The following PCMTD1 variants were observed in gnomAD, a reference collection of about 807,000 sequenced individuals.
PCMTD1 encodes protein-L-isoaspartate O-methyltransferase domain-containing protein 1.
In PCMTD1, 12 loss-of-function variants were observed where a neutral mutation model predicts 37.6. That is an observed-to-expected ratio of 0.32 (90% CI 0.20 to 0.52). The LOEUF is 0.52. PCMTD1 is among the 20% of genes least tolerant of loss of function. The pLI is 0.97. For synonymous variants in PCMTD1, 117 were observed against 135.8 expected (o/e 0.86, Z 0.96); for missense variants, 235 against 421.3 (o/e 0.56, Z 3.87).
At chr8:51,893,321 CATG>C (rs1585864221) in intron 1 of PCMTD1, among the ~76,000 whole-genome samples, 2 of 152,266 alleles carry the variant, frequency 1.3e-5, no homozygotes, top group Admixed American at 6.5e-5. Flanking sequence ...GTAACTTCTG[CATG>C]ATAACCATTA....
At chr8:51,831,588 A>C (rs757139900) in intron 4 of PCMTD1, 21 bp from the exon 5 acceptor site, 12 of 1,600,100 alleles carry the variant, frequency 7.5e-6, no homozygotes, top group Non-Finnish European at 1.0e-5. Flanking sequence ...AAAAAAAAGA[A>C]AGAAAGTGAA....
chr8:51,827,232 G>A (rs1450519981), intron 5 of PCMTD1: 6 of 1,137,072 alleles, frequency 5.3e-6, no homozygotes, highest in Non-Finnish European at 6.6e-6. Flanking sequence ...CATAATTCCT[G>A]ACTTATTTTT....
chr8:51,820,223 A>C lies in PCMTD1; in HGVS notation c.*128T>G, dbSNP rs1321093264. On this transcript the variant is annotated 3_prime_UTR_variant, in exon 6 of 6. Transcript: ENST00000522514. ...TACATCATTTGTGTTACTGACAGAA[A>C]CAAGTGATTTTTTTTCCACTATAAT... is the stretch of plus-strand genomic sequence containing the variant. The C allele has an allele frequency of 1.5e-6, 1 of 658,412 alleles. No individual in the cohort carries two copies. The allele number at this position is 658,412 out of a possible 1,614,324, so 40.8% of individuals were successfully genotyped here.
chr8:51,859,840 C>G (rs989453017), intron 2 of PCMTD1, among the ~76,000 whole-genome samples: 2 of 152,338 alleles, frequency 1.3e-5, no homozygotes, highest in South Asian at 4.1e-4. Context: ...ACCACATTCT[C>G]ATCCTTATTA....
At position 51,874,972 on chromosome 8, in the gene PCMTD1, T is replaced by C. The variant is rs189157210; in HGVS notation, c.-95-13726A>G. 2.1e-3 allele frequency among the ~76,000 whole-genome samples: 319 copies of C among 152,328 alleles called. 1 individual carries two copies. Among genetic ancestry groups the C allele is most frequent in the African/African-American group, 7.2e-3 (299 of 41,572 alleles). On this transcript the variant is annotated intron_variant, in intron 1 of 5. Coordinates refer to ENST00000522514, the MANE Select transcript of PCMTD1 (RefSeq NM_052937.4). ...TCATTAAGAAATTGAGCCTCAGCAGTTGCCTTGTTCAAGATGACACAAGTT... is the reference window on the plus strand; with the variant it reads ...TCATTAAGAAATTGAGCCTCAGCAGCTGCCTTGTTCAAGATGACACAAGTT...
chr8:51,869,188 A>C (rs1202567502), intron 1 of PCMTD1, among the ~76,000 whole-genome samples: 1 of 152,204 alleles, frequency 6.6e-6, no homozygotes, highest in African/African-American at 2.4e-5. Flanking sequence ...TTCAATAATA[A>C]TCCTAACTTG....
intron 2 of PCMTD1, among the ~76,000 whole-genome samples, chr8:51,856,846 C>A (rs1369806016): frequency 6.6e-6 from 1 of 152,182 alleles, no homozygotes; most frequent in Non-Finnish European, 1.5e-5. Flanking sequence ...TTGTCAGGGA[C>A]TGGCTGAGTA....
chr8:51,852,271 C>G (rs922582533), intron 2 of PCMTD1, among the ~76,000 whole-genome samples: 1 of 152,266 alleles, frequency 6.6e-6, no homozygotes, highest in East Asian at 1.9e-4. Flanking sequence ...ACAAATGTAG[C>G]TACAGTCTCA....
At chr8:51,833,880 A>G (rs1374236213) in intron 3 of PCMTD1, among the ~76,000 whole-genome samples, 191 bp from the exon 4 acceptor site, 5 of 152,188 alleles carry the variant, frequency 3.3e-5, no homozygotes, top group African/African-American at 1.2e-4. Flanking sequence ...ATTATCAATG[A>G]CATAGGACGG....
chr8:51,897,941 G>GA (rs571513307), intron 1 of PCMTD1, among the ~76,000 whole-genome samples: 38 of 149,718 alleles, frequency 2.5e-4, no homozygotes, highest in East Asian at 3.9e-4. Flanking sequence ...TAAATGCACA[G>GA]AAAAAAAAAA....
At chr8:51,864,747 CCTGT>C (rs1443225031) in intron 1 of PCMTD1, among the ~76,000 whole-genome samples, 1 of 151,782 alleles carries the variant, frequency 6.6e-6, no homozygotes, top group Non-Finnish European at 1.5e-5. Flanking sequence ...GCAATAAATG[CCTGT>C]ATCAAAAGAG....
In PCMTD1 at chr8:51,845,745, T is replaced by C; in HGVS notation, c.326A>G (p.His109Arg). Reference sequence around the variant, plus strand: ...CACATCTGAATGAAGCTCAATCCCATGATTTATTCCAAAAGGACCTGCAAT... The same window carrying C: ...CACATCTGAATGAAGCTCAATCCCACGATTTATTCCAAAAGGACCTGCAAT... Reference protein sequence around the residue: ...GLILGPFGINHGIELHSDVVE... With the variant: ...GLILGPFGINRGIELHSDVVE... The change falls in exon 3 of 6, where the codon CAT becomes CGT. Residue 109 changes from histidine to arginine, a missense_variant. Coordinates refer to ENST00000522514, the MANE Select transcript of PCMTD1 (RefSeq NM_052937.4). 1.9e-6 allele frequency: 3 copies of C among 1,612,652 alleles called. No individual in the cohort carries two copies. The highest frequency in any genetic ancestry group is 1.7e-6 in the Non-Finnish European group (2 of 1,179,336).
chr8:51,857,696 G>GA (rs1295199174), intron 2 of PCMTD1, among the ~76,000 whole-genome samples: 1 of 152,172 alleles, frequency 6.6e-6, no homozygotes, highest in Non-Finnish European at 1.5e-5. Context: ...AACAGGACAT[G>GA]AATTATCTTC....
chr8:51,836,665 C>G (rs1357487534), intron 3 of PCMTD1, among the ~76,000 whole-genome samples: 1 of 152,162 alleles, frequency 6.6e-6, no homozygotes, highest in African/African-American at 2.4e-5. Flanking sequence ...TTAAAAATCT[C>G]AGGAGTAGAA....
chr8:51,865,529 CAAT>C (rs2038537783), intron 1 of PCMTD1, among the ~76,000 whole-genome samples: 1 of 151,900 alleles, frequency 6.6e-6, no homozygotes, highest in Non-Finnish European at 1.5e-5. Flanking sequence ...ATACACAAAT[CAAT>C]AATGTGATGG....
chr8:51,891,163 C>T (rs1244796762), intron 1 of PCMTD1, among the ~76,000 whole-genome samples: 2 of 152,112 alleles, frequency 1.3e-5, no homozygotes, highest in South Asian at 4.1e-4. Flanking sequence ...CAAAGAGAAT[C>T]GCAGGAGCTC....
At chr8:51,855,878 C>T (rs2038381123) in intron 2 of PCMTD1, among the ~76,000 whole-genome samples, 1 of 152,066 alleles carries the variant, frequency 6.6e-6, no homozygotes, top group South Asian at 2.1e-4. Flanking sequence ...CCGTGTTAGC[C>T]AGGATGGTCT....
At chr8:51,822,038 G>C (rs2037856439) in intron 5 of PCMTD1, among the ~76,000 whole-genome samples, 1 of 151,980 alleles carries the variant, frequency 6.6e-6, no homozygotes, top group Admixed American at 6.6e-5. Context: ...CCTGGCCCTG[G>C]TTGCTTTCTA....
At chr8:51,857,619 G>A (rs1410389848) in intron 2 of PCMTD1, among the ~76,000 whole-genome samples, 1 of 152,072 alleles carries the variant, frequency 6.6e-6, no homozygotes, top group African/African-American at 2.4e-5. Flanking sequence ...GTACTGAGAG[G>A]AGAATCAACT....
Sources: gnomAD v4.1 joint callset for allele counts (sites outside exome capture counted in the v4.1 genomes callset) on GRCh38, gnomAD v4.1.1 for gene constraint, MANE v1.5 for transcripts, NCBI Gene and HGNC (gene_info 2026-07-23, HGNC 2026-07-21) for gene names.